Variants in GAREM1 observed in about 807,000 individuals in gnomAD.
The protein encoded by GAREM1 is GRB2 associated regulator of MAPK1 subtype 1.
Under a neutral mutation model 71.3 loss-of-function variants are expected in GAREM1, and 26 were observed. The ratio of observed to expected loss-of-function variants is 0.36; its 90% CI spans 0.27 to 0.51. The LOEUF is 0.51. Among genes scored for constraint, GAREM1 ranks in the 20% least tolerant of loss-of-function variants. The pLI, the probability that GAREM1 is intolerant of heterozygous loss-of-function variation, is 0.95. For missense variants in GAREM1, 1,026 were observed against 1,103.1 expected (o/e 0.93, Z 0.99); for synonymous variants, 440 against 433.2 (o/e 1.02, Z -0.20).
At chr18:32,339,772 G>A (rs573638751) in intron 2 of GAREM1, among the ~76,000 whole-genome samples, 1 of 152,332 alleles carries the variant, frequency 6.6e-6, no homozygotes, top group East Asian at 1.9e-4. Context: ...AATCCAGAAA[G>A]TAATATAAAC....
At chr18:32,430,285 C>G (rs1032926945) in intron 1 of GAREM1, among the ~76,000 whole-genome samples, 2 of 152,152 alleles carry the variant, frequency 1.3e-5, no homozygotes, top group African/African-American at 4.8e-5. Context: ...ATGGCATATA[C>G]AAACATACTG....
chr18:32,357,086 T>G (rs1292639816), intron 2 of GAREM1, among the ~76,000 whole-genome samples: 1 of 152,148 alleles, frequency 6.6e-6, no homozygotes, highest in Non-Finnish European at 1.5e-5. Flanking sequence ...AAAGAACTTG[T>G]TCTTGTTTCA....
At chr18:32,447,336 C>T (rs2048794595) in intron 1 of GAREM1, among the ~76,000 whole-genome samples, 1 of 152,072 alleles carries the variant, frequency 6.6e-6, no homozygotes, top group Non-Finnish European at 1.5e-5. Flanking sequence ...CATATCAAAA[C>T]ATTCAACTAA....
chr18:32,346,485 T>C (rs1341074138), intron 2 of GAREM1, among the ~76,000 whole-genome samples: 1 of 152,226 alleles, frequency 6.6e-6, no homozygotes, highest in African/African-American at 2.4e-5. Context: ...GATATTATTA[T>C]AGGTAAACTG....
chr18:32,379,972 T>C (rs2048079229), intron 2 of GAREM1, among the ~76,000 whole-genome samples: 1 of 152,182 alleles, frequency 6.6e-6, no homozygotes, highest in Non-Finnish European at 1.5e-5. Flanking sequence ...ACACCCTTTT[T>C]TAAAATAAAG....
chr18:32,364,038 T>TGTTTTTTTTTG (rs1555638774), intron 2 of GAREM1, among the ~76,000 whole-genome samples: 3 of 51,308 alleles, frequency 5.8e-5, no homozygotes, highest in South Asian at 1.7e-3. Flanking sequence ...GTTTTTTTTT[T>TGTTTTTTTTTG]TTTTTTTTTT....
At chr18:32,452,590 A>G (rs905369008) in intron 1 of GAREM1, among the ~76,000 whole-genome samples, 1 of 152,188 alleles carries the variant, frequency 6.6e-6, no homozygotes, top group Admixed American at 6.5e-5. Context: ...TTATCACATG[A>G]CAGTATTTAA....
chr18:32,366,356 G>A (rs1335702076), intron 2 of GAREM1, among the ~76,000 whole-genome samples: 2 of 152,044 alleles, frequency 1.3e-5, no homozygotes, highest in Non-Finnish European at 2.9e-5. Flanking sequence ...ATTTCCTTGT[G>A]ACCCAAAGAC....
chr18:32,406,984 A>G (rs1186642493), intron 1 of GAREM1, among the ~76,000 whole-genome samples: 1 of 152,200 alleles, frequency 6.6e-6, no homozygotes, highest in African/African-American at 2.4e-5. Context: ...CAGGAATGTA[A>G]AAGAAAATCA....
intron 4 of GAREM1, among the ~76,000 whole-genome samples, chr18:32,272,798 T>G (rs2041481792): frequency 6.6e-6 from 1 of 152,194 alleles, no homozygotes; most frequent in Non-Finnish European, 1.5e-5. Flanking sequence ...TAATTTTGTA[T>G]TTTTAGTAGA....
intron 2 of GAREM1, among the ~76,000 whole-genome samples, chr18:32,336,660 C>G (rs2047598574): frequency 6.6e-6 from 1 of 152,160 alleles, no homozygotes; most frequent in Non-Finnish European, 1.5e-5. Flanking sequence ...AAAGTTAAAT[C>G]TACATCAGTT....
At chr18:32,466,213 T>C (rs1245690572) in intron 1 of GAREM1, among the ~76,000 whole-genome samples, 2 of 151,980 alleles carry the variant, frequency 1.3e-5, no homozygotes, top group African/African-American at 4.8e-5. Context: ...GAGTGATCAA[T>C]AGAATACTTT....
At chr18:32,375,112 T>C (rs1348446024) in intron 2 of GAREM1, among the ~76,000 whole-genome samples, 1 of 152,172 alleles carries the variant, frequency 6.6e-6, no homozygotes, top group South Asian at 2.1e-4. Context: ...TAAATTATAG[T>C]TTACGAAATT....
chr18:32,453,934 G>T (rs1304246455), intron 1 of GAREM1, among the ~76,000 whole-genome samples: 4 of 152,080 alleles, frequency 2.6e-5, no homozygotes, highest in Admixed American at 6.5e-5. Flanking sequence ...TGATGAACAT[G>T]AAAGACACAA....
intron 2 of GAREM1, among the ~76,000 whole-genome samples, chr18:32,386,483 G>A (rs2048148124): frequency 6.6e-6 from 1 of 152,136 alleles, no homozygotes; most frequent in Admixed American, 6.5e-5. Context: ...CAACTAGGAG[G>A]GAAAGTACTG....
At chr18:32,305,818 C>T (rs956661491) in intron 3 of GAREM1, among the ~76,000 whole-genome samples, 20 of 152,222 alleles carry the variant, frequency 1.3e-4, no homozygotes, top group Non-Finnish European at 2.6e-4. Context: ...CTGCACCCAG[C>T]CCCCAGTGAG....
At chr18:32,433,181 G>A (rs558230053) in intron 1 of GAREM1, among the ~76,000 whole-genome samples, 5 of 148,104 alleles carry the variant, frequency 3.4e-5, no homozygotes, top group African/African-American at 1.2e-4. Flanking sequence ...ACACAGGATC[G>A]TATCAATTGA....
chr18:32,364,713 G>A (rs1229511134), intron 2 of GAREM1, among the ~76,000 whole-genome samples: 1 of 152,122 alleles, frequency 6.6e-6, no homozygotes, highest in East Asian at 1.9e-4. Flanking sequence ...CTCTAATCTA[G>A]CCTGTAGCAT....
At chr18:32,466,686 G>A (rs943068180) in intron 1 of GAREM1, among the ~76,000 whole-genome samples, 6 of 152,154 alleles carry the variant, frequency 3.9e-5, no homozygotes, top group Admixed American at 2.0e-4. Flanking sequence ...GTTGGGGGTG[G>A]AGGATTAGTA....
Sources: gnomAD v4.1 joint callset for allele counts (sites outside exome capture counted in the v4.1 genomes callset) on GRCh38, gnomAD v4.1.1 for gene constraint, MANE v1.5 for transcripts, NCBI Gene and HGNC (gene_info 2026-07-23, HGNC 2026-07-21) for gene names.